Variants in DNAL1 observed in about 807,000 individuals in gnomAD.
The protein encoded by DNAL1 is dynein axonemal light chain 1, also known as chromosome 14 open reading frame 168.
DNAL1 carries 17 observed loss-of-function variants against 29.4 expected under a neutral mutation model. The ratio of observed to expected loss-of-function variants is 0.58; its 90% CI spans 0.40 to 0.87. DNAL1 has a LOEUF of 0.87. DNAL1 is among the 40% of genes least tolerant of loss of function. The pLI is 0.00. For synonymous variants in DNAL1, 78 were observed against 76.3 expected, an observed-to-expected ratio of 1.02 and a Z score of -0.12; for missense variants, 188 against 214.1, an observed-to-expected ratio of 0.88 and a Z score of 0.76.
intron 2 of DNAL1, 139 bp downstream of exon 2, chr14:73,655,024 A>G: frequency 1.2e-6 from 1 of 823,806 alleles, no homozygotes; most frequent in Non-Finnish European, 1.9e-6. Flanking sequence ...TGGTGGATGC[A>G]TGAACTTACA....
chr14:73,694,195 C>T (rs1033124811), intron 7 of DNAL1, among the ~76,000 whole-genome samples: 22 of 150,134 alleles, frequency 1.5e-4, no homozygotes, highest in African/African-American at 4.4e-4. Flanking sequence ...CCTTTGAGCC[C>T]AGGAGTTCAA....
chr14:73,687,881 AACGTTAAATG>A (rs1892059408), intron 6 of DNAL1, among the ~76,000 whole-genome samples: 1 of 152,170 alleles, frequency 6.6e-6, no homozygotes, highest in African/African-American at 2.4e-5. Flanking sequence ...TCAAATACCT[AACGTTAAATG>A]ACGACTTAAT....
chr14:73,667,411 G>A (rs540448383), intron 4 of DNAL1, among the ~76,000 whole-genome samples: 1 of 152,260 alleles, frequency 6.6e-6, no homozygotes, highest in African/African-American at 2.4e-5. Context: ...TTACAGGCAT[G>A]AGCCACAGTG....
rs1892289774 is a variant in DNAL1 at position 73,695,883 on chromosome 14, ATTTTCT to A, written c.533-13_533-8del. The A allele has an allele frequency of 1.9e-6, 3 of 1,553,950 alleles. No individual in the cohort carries two copies. Among genetic ancestry groups the A allele is most frequent in the African/African-American group, 1.4e-5 (1 of 72,846 alleles). ...AATTTTTTGAGAATAACCAGTAATA[ATTTTCT>A]TTTTCATTTTAGGTACTCCAGTAAT... On this transcript the variant is annotated splice_polypyrimidine_tract_variant and intron_variant, in intron 7 of 7. Transcript: ENST00000553645.
intron 4 of DNAL1, among the ~76,000 whole-genome samples, chr14:73,663,608 T>G (rs1891406705): frequency 6.6e-6 from 1 of 152,214 alleles, no homozygotes; most frequent in African/African-American, 2.4e-5. Flanking sequence ...TCATGACCCA[T>G]AGTTTGAAAA....
At chr14:73,648,366 A>AT (rs1004794008) in intron 1 of DNAL1, among the ~76,000 whole-genome samples, 3 of 119,962 alleles carry the variant, frequency 2.5e-5, no homozygotes, top group Admixed American at 8.5e-5. Flanking sequence ...TTTACTTTGC[A>AT]TTTTTCTGAT....
intron 1 of DNAL1, among the ~76,000 whole-genome samples, chr14:73,652,569 C>A (rs866404000): frequency 4.6e-5 from 7 of 152,290 alleles, no homozygotes; most frequent in Middle Eastern, 3.4e-3. Flanking sequence ...AACCACCATG[C>A]CTGGCTCATT....
chr14:73,678,132 G>A (rs778725205), intron 5 of DNAL1, among the ~76,000 whole-genome samples: 6 of 150,784 alleles, frequency 4.0e-5, no homozygotes, highest in African/African-American at 7.3e-5. Context: ...TCCTGAGCTC[G>A]AGCAATCTGC....
intron 5 of DNAL1, among the ~76,000 whole-genome samples, chr14:73,677,630 C>T (rs1891768096): frequency 6.7e-6 from 1 of 149,952 alleles, no homozygotes; most frequent in Admixed American, 6.6e-5. Flanking sequence ...GATCTTGGCT[C>T]ACTGCAAGCT....
chr14:73,657,332 C>T (rs1332758299), intron 2 of DNAL1, among the ~76,000 whole-genome samples: 5 of 152,258 alleles, frequency 3.3e-5, no homozygotes, highest in South Asian at 2.1e-4. Context: ...AGTCGTGTGC[C>T]ACCACATCTA....
At chr14:73,647,078 G>A (rs1328112472) in intron 1 of DNAL1, among the ~76,000 whole-genome samples, 1 of 151,984 alleles carries the variant, frequency 6.6e-6, no homozygotes, top group Non-Finnish European at 1.5e-5. Context: ...AAATATTGGG[G>A]CAGGGCACGG....
chr14:73,682,171 C>CTTTTTT (rs755777316), intron 5 of DNAL1, among the ~76,000 whole-genome samples: 4 of 129,582 alleles, frequency 3.1e-5, no homozygotes, highest in Non-Finnish European at 4.9e-5. Context: ...CTTACTGTAA[C>CTTTTTT]TTTTTTTTTT....
chr14:73,686,792 T>G (rs1374502513), intron 5 of DNAL1, among the ~76,000 whole-genome samples: 1 of 152,228 alleles, frequency 6.6e-6, no homozygotes, highest in Non-Finnish European at 1.5e-5. Context: ...GACCTAGCTC[T>G]ATTATTTAAT....
In DNAL1 at chr14:73,661,941, A is replaced by G. The variant is rs142223195; in HGVS notation, c.153-46A>G. 7.1e-4 allele frequency: 935 copies of G among 1,310,956 alleles called. 2 individuals are homozygous for G. The highest frequency in any genetic ancestry group is 9.7e-4 in the South Asian group (72 of 74,062). The allele number at this position is 1,310,956 out of a possible 1,614,324, so 81.2% of individuals were successfully genotyped here. A position where few individuals can be genotyped will look rare whatever the true frequency, so the allele number is the denominator to read the frequency against. The stretch of plus-strand genomic sequence containing the variant: ...AGTGTTAAGGAATAATTTCTGATTT[A>G]CCATTTACATTTTTCACATTAAATT... On this transcript the variant is annotated intron_variant, in intron 3 of 7. Transcript: ENST00000553645.
rs564118637 is a variant in DNAL1 at position 73,648,807 on chromosome 14, G to A, written c.3+3765G>A. Among the ~76,000 whole-genome samples the A allele has an allele frequency of 4.6e-5, 7 of 151,022 alleles. No homozygotes were observed. In the East Asian group the frequency reaches 1.2e-3, roughly 25 times the overall value. ...TTTTTCCATTTTTCTTTTTGTTTTC[G>A]AATTTTAGGCATTCCTTGTGTATTC... On this transcript the variant is annotated intron_variant, in intron 1 of 7. Coordinates refer to ENST00000553645, the MANE Select transcript of DNAL1 (RefSeq NM_031427.4).
chr14:73,648,917 A>G (rs1268759934), intron 1 of DNAL1, among the ~76,000 whole-genome samples: 1 of 150,378 alleles, frequency 6.6e-6, no homozygotes, highest in African/African-American at 2.4e-5. Flanking sequence ...ATTATTATAA[A>G]TAATAATTAT....
At position 73,697,743 on chromosome 14, in the gene DNAL1, TAAAAAAAAAA is replaced by T. The variant is rs59065500; in HGVS notation, c.*1814_*1823del. The T allele has an allele frequency of 8.1e-6, 1 of 123,612 alleles. No homozygotes were observed. Among genetic ancestry groups the T allele is most frequent in the African/African-American group, 3.1e-5 (1 of 32,570 alleles). The allele number at this position is 123,612 out of a possible 1,614,324, so 7.7% of individuals were successfully genotyped here. A position where few individuals can be genotyped will look rare whatever the true frequency, so the allele number is the denominator to read the frequency against. ...GGGCAATAGAGCGAGACTCCATATT[TAAAAAAAAAA>T]AAAAAAAAAAAAGAGGAAAACTTGG... is the stretch of plus-strand genomic sequence containing the variant. On this transcript the variant is annotated 3_prime_UTR_variant, in exon 8 of 8. Coordinates refer to ENST00000553645, the MANE Select transcript of DNAL1 (RefSeq NM_031427.4).
intron 5 of DNAL1, among the ~76,000 whole-genome samples, chr14:73,677,848 T>C (rs138536940): frequency 6.8e-6 from 1 of 146,578 alleles, no homozygotes; most frequent in Non-Finnish European, 1.5e-5. Context: ...TGAGCCACCA[T>C]GCCCGGCCCA....
intron 6 of DNAL1, 48 bp from the exon 7 acceptor site, chr14:73,689,327 C>T (rs375922424): frequency 1.7e-5 from 27 of 1,546,964 alleles, no homozygotes; most frequent in South Asian, 7.2e-5. Context: ...CCACCGCACC[C>T]GGCCAAAACT....
Sources: gnomAD v4.1 joint callset for allele counts (sites outside exome capture counted in the v4.1 genomes callset) on GRCh38, gnomAD v4.1.1 for gene constraint, MANE v1.5 for transcripts, NCBI Gene and HGNC (gene_info 2026-07-23, HGNC 2026-07-21) for gene names.